Variants in SMARCB1 observed in about 807,000 individuals in gnomAD.
SMARCB1 encodes the protein SWI/SNF-related matrix-associated actin-dependent regulator of chromatin subfamily B member 1.
Under a neutral mutation model 49.0 loss-of-function variants are expected in SMARCB1, and 5 were observed. The ratio of observed to expected loss-of-function variants is 0.10; its 90% CI spans 0.05 to 0.21. The LOEUF (loss-of-function observed/expected upper bound fraction) is 0.21. SMARCB1 is among the 10% of genes least tolerant of loss of function. SMARCB1 has a pLI of 1.00. For missense variants in SMARCB1, 226 were observed against 509.2 expected (o/e 0.44, Z 5.35); for synonymous variants, 201 against 200.1 (o/e 1.00, Z -0.04).
intron 1 of SMARCB1, among the ~76,000 whole-genome samples, chr22:23,791,203 G>A (rs1259852704): frequency 2.6e-5 from 4 of 152,200 alleles, no homozygotes; most frequent in Non-Finnish European, 4.4e-5. Flanking sequence ...TGAAGCCATT[G>A]TTTGAGTCAG....
At chr22:23,801,468 C>T (rs958792517) in intron 4 of SMARCB1, 1 of 506,138 alleles carries the variant, frequency 2.0e-6, no homozygotes, top group East Asian at 4.4e-5. Context: ...TAAACCACCA[C>T]AAACTGGTGG....
Position 23,837,255 on chromosome 22 carries a change from AG to A in SMARCB1, c.*3077del. The A allele has an allele frequency of 7.0e-7, 1 of 1,420,714 alleles. No homozygotes were observed. The highest frequency in any genetic ancestry group is 9.6e-7 in the Non-Finnish European group (1 of 1,037,018). 88.0% of individuals were successfully genotyped at this position (1,420,714 alleles called of 1,614,324 possible). On this transcript the variant is annotated 3_prime_UTR_variant, in exon 9 of 9. Coordinates refer to ENST00000644036, the MANE Select transcript of SMARCB1 (RefSeq NM_003073.5). ...CCCATCCACAGCCTGGTGGCCCTGC[AG>A]GCCCCACAGCATGAGTGCCCCAAAG...
rs2031113867 is a variant in SMARCB1 at position 23,837,063 on chromosome 22, C to A, written c.*2883C>A. ...AGGGAGGGAGGGCTCTCAACACTCA[C>A]AGGAAGCCAGGGGTCTGCAGGAGCC... On this transcript the variant is annotated 3_prime_UTR_variant, in exon 9 of 9. Transcript: ENST00000644036. 6.2e-7 allele frequency: 1 copy of A among 1,613,768 alleles called. No homozygotes were observed.
intron 3 of SMARCB1, among the ~76,000 whole-genome samples, chr22:23,799,452 A>C (rs1409220634): frequency 7.7e-6 from 1 of 129,722 alleles, no homozygotes; most frequent in African/African-American, 3.0e-5. Context: ...TAACTTTTGT[A>C]TTTTTGGTAG....
At chr22:23,809,739 T>G (rs1383437486) in intron 5 of SMARCB1, among the ~76,000 whole-genome samples, 1 of 151,728 alleles carries the variant, frequency 6.6e-6, no homozygotes, top group Non-Finnish European at 1.5e-5. Flanking sequence ...CATGAGAAAC[T>G]GGAGGCTAGA....
intron 5 of SMARCB1, among the ~76,000 whole-genome samples, chr22:23,809,500 TC>T (rs545015847): frequency 6.5e-4 from 98 of 151,376 alleles, no homozygotes; most frequent in Admixed American, 1.5e-3. Context: ...GGCCTTGAAC[TC>T]CCCACCTCAG....
At chr22:23,809,707 A>G (rs1349853685) in intron 5 of SMARCB1, among the ~76,000 whole-genome samples, 1 of 151,216 alleles carries the variant, frequency 6.6e-6, no homozygotes, top group African/African-American at 2.4e-5. Flanking sequence ...CACCGCGCCC[A>G]GCCGAATGAT....
intron 5 of SMARCB1, among the ~76,000 whole-genome samples, chr22:23,811,483 A>T (rs977707853): frequency 6.6e-6 from 1 of 152,254 alleles, no homozygotes; most frequent in Non-Finnish European, 1.5e-5. Context: ...TAATCCGTAT[A>T]ATGGATCATA....
chr22:23,786,988 C>T lies in SMARCB1; in HGVS notation c.-182C>T, dbSNP rs1415558569. The T allele has an allele frequency of 1.0e-5, 5 of 497,744 alleles. No individual in the cohort carries two copies. Among genetic ancestry groups the T allele is most frequent in the East Asian group, 7.1e-5 (2 of 28,036 alleles). The allele number at this position is 497,744 out of a possible 1,614,324, so 30.8% of individuals were successfully genotyped here. ...AACGCCAGCGCCTGCGCACTGAGGGCGGCCTGGTCGTCGTCTGCGGCGGCG... is the reference window on the plus strand; with the variant it reads ...AACGCCAGCGCCTGCGCACTGAGGGTGGCCTGGTCGTCGTCTGCGGCGGCG... On this transcript the variant is annotated 5_prime_UTR_variant, in exon 1 of 9. Transcript: ENST00000644036.
chr22:23,835,527 ATGTTAGCATGGGACTCTTCCCAGGGAG>A lies in SMARCB1; in HGVS notation c.*1349_*1375del, dbSNP rs2030976834. 5.1e-6 allele frequency: 5 copies of A among 985,522 alleles called. No individual in the cohort carries two copies. The highest frequency in any genetic ancestry group is 6.0e-6 in the Non-Finnish European group (5 of 829,982). 61.0% of individuals were successfully genotyped at this position (985,522 alleles called of 1,614,324 possible). On this transcript the variant is annotated 3_prime_UTR_variant, in exon 9 of 9. Transcript: ENST00000644036. ...GTGAGAGGAGGGCTCCTTTGAGCACATGTTAGCATGGGACTCTTCCCAGGGAGTTTGCACTCAGGGCCTCTGCCCTCC... is the reference window on the plus strand; with the variant it reads ...GTGAGAGGAGGGCTCCTTTGAGCACATTTGCACTCAGGGCCTCTGCCCTCC...
intron 5 of SMARCB1, among the ~76,000 whole-genome samples, chr22:23,810,850 C>T (rs1195678032): frequency 7.9e-5 from 12 of 151,860 alleles, no homozygotes; most frequent in African/African-American, 2.7e-4. Flanking sequence ...GCTAACATGG[C>T]AAAACCCTGT....
intron 5 of SMARCB1, among the ~76,000 whole-genome samples, chr22:23,809,577 A>T (rs947579868): frequency 6.6e-6 from 1 of 151,584 alleles, no homozygotes; most frequent in Non-Finnish European, 1.5e-5. Context: ...TGCTCGGCCA[A>T]TTTTTTGTAT....
chr22:23,833,772 T>G, intron 8 of SMARCB1, 69 bp downstream of exon 8: 1 of 1,552,102 alleles, frequency 6.4e-7, no homozygotes, highest in Non-Finnish European at 8.9e-7. Context: ...GGCAGGGCCA[T>G]TGCCTTTCCC....
chr22:23,818,928 C>G (rs1467124134), intron 6 of SMARCB1, among the ~76,000 whole-genome samples: 1 of 152,062 alleles, frequency 6.6e-6, no homozygotes, highest in African/African-American at 2.4e-5. Context: ...GCAACCTCTG[C>G]TTCCTGGGCT....
chr22:23,789,181 AT>A (rs1355108520), intron 1 of SMARCB1, among the ~76,000 whole-genome samples: 1 of 152,198 alleles, frequency 6.6e-6, no homozygotes, highest in Non-Finnish European at 1.5e-5. Context: ...AAAATATAGG[AT>A]TCAATAAAAT....
intron 4 of SMARCB1, 114 bp from the exon 5 acceptor site, chr22:23,803,181 G>A (rs1929275110): frequency 7.1e-7 from 1 of 1,401,998 alleles, no homozygotes; most frequent in Non-Finnish European, 1.0e-6. Flanking sequence ...CTGACAAGCG[G>A]CCATCTTCCC....
intron 2 of SMARCB1, chr22:23,793,286 G>A (rs1928519243): frequency 1.9e-6 from 1 of 518,944 alleles, no homozygotes; most frequent in Non-Finnish European, 3.5e-6. Context: ...TGCTGGTGCT[G>A]CCCTGAGCAC....
intron 5 of SMARCB1, among the ~76,000 whole-genome samples, chr22:23,805,406 C>T (rs913991297): frequency 6.6e-5 from 10 of 152,336 alleles, no homozygotes; most frequent in South Asian, 2.1e-4. Context: ...CCAAGCTCCC[C>T]GTTTATCTCT....
chr22:23,827,033 C>T (rs2030418953), intron 7 of SMARCB1, among the ~76,000 whole-genome samples: 1 of 152,214 alleles, frequency 6.6e-6, no homozygotes, highest in South Asian at 2.1e-4. Flanking sequence ...CAGAGCCAAG[C>T]CCTATGGCCG....
Sources: allele counts gnomAD v4.1 joint callset (sites outside exome capture counted in the v4.1 genomes callset), GRCh38; gene constraint gnomAD v4.1.1; transcripts MANE v1.5; gene names NCBI Gene and HGNC (gene_info 2026-07-23, HGNC 2026-07-21).